ZDHHC9: variants seen among roughly 807,000 people sequenced by gnomAD.
The protein encoded by ZDHHC9 is palmitoyltransferase ZDHHC9.
In ZDHHC9, 3 loss-of-function variants were observed where a neutral mutation model predicts 26.6. The ratio of observed to expected loss-of-function variants is 0.11; its 90% CI spans 0.05 to 0.29. ZDHHC9 has a LOEUF of 0.29. Ranked by LOEUF, ZDHHC9 falls within the 10% of genes least tolerant of loss-of-function variation. The pLI is 1.00. For synonymous variants in ZDHHC9, 111 were observed against 109.4 expected (o/e 1.01, Z -0.09); for missense variants, 146 against 296.4 (o/e 0.49, Z 3.73).
intron 3 of ZDHHC9, among the ~76,000 whole-genome samples, chrX:129,837,148 C>T (rs1393681345): frequency 1.8e-5 from 2 of 111,781 alleles, no homozygotes; most frequent in Admixed American, 9.5e-5. Context: ...CCAGATCTAC[C>T]ATCCTATGAT....
intron 5 of ZDHHC9, among the ~76,000 whole-genome samples, chrX:129,821,580 C>T (rs1191174441): frequency 1.8e-5 from 2 of 108,338 alleles, no homozygotes; most frequent in Non-Finnish European, 3.8e-5. Flanking sequence ...TGTGAGCCAC[C>T]GCGCCTGGCC....
At chrX:129,821,748 T>A (rs893810308) in intron 5 of ZDHHC9, among the ~76,000 whole-genome samples, 1 of 107,513 alleles carries the variant, frequency 9.3e-6, no homozygotes, top group Non-Finnish European at 1.9e-5. Flanking sequence ...ATGGTGAAAC[T>A]CCATCTCTAC....
At chrX:129,820,864 T>A (rs745316183) in intron 5 of ZDHHC9, among the ~76,000 whole-genome samples, 1 of 111,376 alleles carries the variant, frequency 9.0e-6, no homozygotes, top group South Asian at 3.8e-4. Context: ...GCTGCACCTA[T>A]AAAGCCATCA....
intron 5 of ZDHHC9, 105 bp downstream of exon 5, chrX:129,823,574 T>C: frequency 1.0e-6 from 1 of 984,057 alleles, no homozygotes; most frequent in Non-Finnish European, 1.4e-6. Context: ...TCTAGTTCAT[T>C]TCTCATCTAA....
At position 129,806,096 on chromosome X, in the gene ZDHHC9, C is replaced by T. The variant is rs1467548255; in HGVS notation, c.*274G>A. 8 of 353,450 alleles carry T rather than the reference C, an allele frequency of 2.3e-5. No homozygotes were observed. Among genetic ancestry groups the T allele is most frequent in the Non-Finnish European group, 4.0e-5 (8 of 200,241 alleles). 29.1% of individuals were successfully genotyped at this position (353,450 alleles called of 1,213,427 possible). A position where few individuals can be genotyped will look rare whatever the true frequency, so the allele number is the denominator to read the frequency against. On this transcript the variant is annotated 3_prime_UTR_variant, in exon 11 of 11. Coordinates refer to ENST00000357166, the MANE Select transcript of ZDHHC9 (RefSeq NM_016032.4). ...GGAAGAGAGGGGGTCCAAGGGGACCCTGTGGCTGAGGCCATGGAGAACCAG... is the reference window on the plus strand; with the variant it reads ...GGAAGAGAGGGGGTCCAAGGGGACCTTGTGGCTGAGGCCATGGAGAACCAG...
Position 129,814,699 on chromosome X carries a change from G to A in ZDHHC9, c.584C>T (p.Thr195Ile). 1 of 1,211,350 alleles carries A rather than the reference G, an allele frequency of 8.3e-7. No individual in the cohort carries two copies. The highest frequency in any genetic ancestry group is 1.1e-6 in the Non-Finnish European group (1 of 895,356). ...GATGTTGAAGGCGAAGACATAGATT[G>A]TGAGGAGGGAGAGAGAAAGGATGAA... is the stretch of plus-strand genomic sequence containing the variant. ...YLFILSLSLL[T>I]IYVFAFNIVY... The change falls in exon 6 of 11, where the codon ACA becomes ATA. Residue 195 changes from threonine to isoleucine, a missense_variant. This residue lies in a region of ZDHHC9 where 100 missense variants were observed against 250.0 expected (regional missense o/e 0.40). Coordinates refer to ENST00000357166, the MANE Select transcript of ZDHHC9 (RefSeq NM_016032.4).
rs181983096 is a variant in ZDHHC9 at position 129,833,440 on chromosome X, A to G, written c.168-4299T>C. Reference sequence around the variant, plus strand: ...AATGACACAGACTTCAATTCACATGAAAACACTCAGAAGAGATTCATGAGT... The same window carrying G: ...AATGACACAGACTTCAATTCACATGGAAACACTCAGAAGAGATTCATGAGT... On this transcript the variant is annotated intron_variant, in intron 3 of 10. Transcript: ENST00000357166. Among the ~76,000 whole-genome samples the G allele has an allele frequency of 6.0e-3, 671 of 112,330 alleles. 3 individuals are homozygous for G. The highest frequency in any genetic ancestry group is 0.011 in the Admixed American group (117 of 10,606).
intron 8 of ZDHHC9, among the ~76,000 whole-genome samples, chrX:129,812,085 C>CT (rs770047894): frequency 1.8e-3 from 180 of 101,421 alleles, no homozygotes; most frequent in Middle Eastern, 5.0e-3. Context: ...TAATTGCTAA[C>CT]TTTTTTTTTT....
At chrX:129,843,398 GCCGGAGT>G (rs1192476275) in intron 1 of ZDHHC9, 72 bp from the exon 2 acceptor site, 1 of 112,186 alleles carries the variant, frequency 8.9e-6, no homozygotes, top group East Asian at 2.9e-4. Flanking sequence ...GAGGCCGGAG[GCCGGAGT>G]CCGGGGCCGA....
At chrX:129,818,631 TTAAAA>T (rs1291892134) in intron 5 of ZDHHC9, among the ~76,000 whole-genome samples, 1 of 112,238 alleles carries the variant, frequency 8.9e-6, no homozygotes, top group Non-Finnish European at 1.9e-5. Flanking sequence ...TATGCAGTCA[TTAAAA>T]TAATATATTA....
intron 10 of ZDHHC9, among the ~76,000 whole-genome samples, chrX:129,809,431 G>A (rs1001165880): frequency 2.7e-5 from 3 of 111,706 alleles, no homozygotes; most frequent in African/African-American, 6.5e-5. Flanking sequence ...GACAAACCTC[G>A]AAAACATGCT....
intron 3 of ZDHHC9, among the ~76,000 whole-genome samples, chrX:129,831,751 T>C (rs1299873119): frequency 2.7e-5 from 3 of 111,773 alleles, no homozygotes; most frequent in Non-Finnish European, 5.6e-5. Flanking sequence ...GGAAGCCAGA[T>C]GTGGGACTAG....
In ZDHHC9 at chrX:129,806,277, A is replaced by G; in HGVS notation, c.*93T>C. ...CCAAAGAAAAACAGTTAAAAGGGAC[A>G]GCTTACTTGCTCTCTGTCTCAGGTT... On this transcript the variant is annotated 3_prime_UTR_variant, in exon 11 of 11. Coordinates refer to ENST00000357166, the MANE Select transcript of ZDHHC9 (RefSeq NM_016032.4). The G allele has an allele frequency of 1.3e-6, 1 of 780,280 alleles. No individual in the cohort carries two copies. Among genetic ancestry groups the G allele is most frequent in the Non-Finnish European group, 2.0e-6 (1 of 503,004 alleles). 64.3% of individuals were successfully genotyped at this position (780,280 alleles called of 1,213,427 possible).
At chrX:129,814,597 G>A in intron 6 of ZDHHC9, 61 bp downstream of exon 6, 1 of 1,199,572 alleles carries the variant, frequency 8.3e-7, no homozygotes, top group Non-Finnish European at 1.1e-6. Flanking sequence ...CCTCTAAGCT[G>A]CCCTTAACTC....
At chrX:129,843,105 C>T (rs1357830021) in intron 2 of ZDHHC9, among the ~76,000 whole-genome samples, 154 bp downstream of exon 2, 1 of 112,092 alleles carries the variant, frequency 8.9e-6, no homozygotes, top group Non-Finnish European at 1.9e-5. Context: ...TGCAGCCCGA[C>T]GGACGGAGGG....
chrX:129,814,749 C>G lies in ZDHHC9; in HGVS notation c.534G>C (p.Lys178Asn). The change falls in exon 6 of 11, where the codon AAG (lysine) becomes AAC (asparagine). Residue 178 changes from lysine to asparagine, a missense_variant. Lys to Asn is a moderately conservative substitution (Grantham distance 94). Around this residue, in one of 2 missense-constraint regions of ZDHHC9, gnomAD observed 100 missense variants for 250.0 expected, o/e 0.40. Transcript: ENST00000357166. ...AGAGGTAGAAGTAGCGGTAGTTCCTCTTTCCAACACAATTCCCCACCCAGG... is the reference window on the plus strand; with the variant it reads ...AGAGGTAGAAGTAGCGGTAGTTCCTGTTTCCAACACAATTCCCCACCCAGG... ...HCPWVGNCVG[K>N]RNYRYFYLFI... is the part of the protein sequence containing the mutation. The G allele has an allele frequency of 8.3e-7, 1 of 1,211,020 alleles. No individual in the cohort carries two copies. Among genetic ancestry groups the G allele is most frequent in the Non-Finnish European group, 1.1e-6 (1 of 895,303 alleles).
At chrX:129,826,699 G>A (rs1390475060) in intron 4 of ZDHHC9, among the ~76,000 whole-genome samples, 1 of 111,206 alleles carries the variant, frequency 9.0e-6, no homozygotes, top group Non-Finnish European at 1.9e-5. Flanking sequence ...TAGTTCTATC[G>A]GGTCTCCCCA....
intron 5 of ZDHHC9, among the ~76,000 whole-genome samples, chrX:129,821,296 C>CTTTT (rs748605366): frequency 9.8e-4 from 97 of 99,387 alleles, no homozygotes; most frequent in African/African-American, 3.4e-3. Context: ...AGACCTTCTT[C>CTTTT]TTTTTTTTTT....
chrX:129,830,203 G>A (rs1928110151), intron 3 of ZDHHC9, among the ~76,000 whole-genome samples: 1 of 111,584 alleles, frequency 9.0e-6, no homozygotes, highest in Non-Finnish European at 1.9e-5. Context: ...GACTTCCTAA[G>A]AGCAAGGACC....
Sources: allele counts gnomAD v4.1 joint callset (sites outside exome capture counted in the v4.1 genomes callset), GRCh38; gene constraint gnomAD v4.1.1; regional missense constraint gnomAD v4.1.1; transcripts MANE v1.5; gene names NCBI Gene and HGNC (gene_info 2026-07-23, HGNC 2026-07-21).